The following CACNA1C variants were observed in gnomAD, a reference collection of about 807,000 sequenced individuals.
CACNA1C encodes voltage-dependent L-type calcium channel subunit alpha-1C.
Under a neutral mutation model 229.0 loss-of-function variants are expected in CACNA1C, and 30 were observed. The ratio of observed to expected loss-of-function variants is 0.13; its 90% CI spans 0.10 to 0.18. The LOEUF (loss-of-function observed/expected upper bound fraction) is 0.18. Ranked by LOEUF, CACNA1C falls within the 10% of genes least tolerant of loss-of-function variation. CACNA1C has a pLI of 1.00. For synonymous variants in CACNA1C, 1,114 were observed against 1,132.5 expected (o/e 0.98, Z 0.33); for missense variants, 1,658 against 2,845.0 (o/e 0.58, Z 9.49).
chr12:2,622,580 A>G (rs2083892219), intron 29 of CACNA1C, among the ~76,000 whole-genome samples: 1 of 152,064 alleles, frequency 6.6e-6, no homozygotes, highest in Non-Finnish European at 1.5e-5. Flanking sequence ...GCAGAATTGA[A>G]TTTGCAGTCC....
At chr12:2,468,740 A>G (rs78731760) in intron 5 of CACNA1C, among the ~76,000 whole-genome samples, 1,882 of 152,318 alleles carry the variant, frequency 0.012, 21 homozygotes, top group Non-Finnish European at 0.022. Context: ...CACCTCAGGA[A>G]TTGTGATGGG....
chr12:2,636,775 A>T (rs73243565), intron 30 of CACNA1C, among the ~76,000 whole-genome samples: 1 of 152,120 alleles, frequency 6.6e-6, no homozygotes, highest in Non-Finnish European at 1.5e-5. Context: ...CAGAACTTAC[A>T]TTCTGTAATT....
intron 1 of CACNA1C, among the ~76,000 whole-genome samples, chr12:2,001,537 C>T (rs2042195130): frequency 1.3e-5 from 2 of 152,152 alleles, no homozygotes; most frequent in Admixed American, 1.3e-4. Flanking sequence ...TAGCTCAACG[C>T]AATCTCTATT....
At chr12:2,131,849 T>C (rs1290038030) in intron 3 of CACNA1C, among the ~76,000 whole-genome samples, 2 of 148,444 alleles carry the variant, frequency 1.3e-5, no homozygotes, top group Non-Finnish European at 3.0e-5. Context: ...AAGAAAGTCA[T>C]TGGTAGCTTG....
At chr12:1,991,122 T>C (rs1242267688) in intron 1 of CACNA1C, 2 of 456,120 alleles carry the variant, frequency 4.4e-6, no homozygotes, top group African/African-American at 4.0e-5. Context: ...AAAGGCTACC[T>C]TTAATTTGCA....
chr12:2,589,507 G>C (rs2064144714), intron 18 of CACNA1C, among the ~76,000 whole-genome samples: 1 of 152,258 alleles, frequency 6.6e-6, no homozygotes, highest in Admixed American at 6.5e-5. Context: ...AAGAGGGCCA[G>C]TGTGCCTGCA....
At chr12:2,167,441 A>G (rs1454246563) in intron 3 of CACNA1C, among the ~76,000 whole-genome samples, 1 of 152,182 alleles carries the variant, frequency 6.6e-6, no homozygotes, top group Non-Finnish European at 1.5e-5. Flanking sequence ...GACATTGTTG[A>G]TGGTCTAGTG....
chr12:1,989,964 A>G (rs1277190552), intron 1 of CACNA1C, among the ~76,000 whole-genome samples: 2 of 152,210 alleles, frequency 1.3e-5, no homozygotes, highest in Non-Finnish European at 2.9e-5. Context: ...TCAAGGCTAA[A>G]AAAACTTGCT....
At chr12:2,227,211 C>G (rs983496745) in intron 3 of CACNA1C, among the ~76,000 whole-genome samples, 3 of 152,214 alleles carry the variant, frequency 2.0e-5, no homozygotes, top group Non-Finnish European at 4.4e-5. Flanking sequence ...CCAGGACCAA[C>G]TTTCTGGAAA....
chr12:2,405,543 G>T (rs2098727858), intron 3 of CACNA1C, among the ~76,000 whole-genome samples: 1 of 152,070 alleles, frequency 6.6e-6, no homozygotes, highest in East Asian at 1.9e-4. Flanking sequence ...ACATTTTTTA[G>T]AACTCCATTT....
At chr12:2,422,671 G>C (rs570901827) in intron 3 of CACNA1C, among the ~76,000 whole-genome samples, 1 of 152,160 alleles carries the variant, frequency 6.6e-6, no homozygotes, top group Non-Finnish European at 1.5e-5. Flanking sequence ...GTGCTAACTC[G>C]TGTGGCCAGT....
Position 2,156,247 on chromosome 12 carries a change from G to A in CACNA1C, c.477+35817G>A, listed in dbSNP as rs545693093. Among the ~76,000 whole-genome samples the A allele has an allele frequency of 3.3e-5, 5 of 152,268 alleles. No individual in the cohort carries two copies. The East Asian group carries it at 5.8e-4, about 18-fold the overall frequency. On this transcript the variant is annotated intron_variant, in intron 3 of 46. Coordinates refer to ENST00000399655, the MANE Select transcript of CACNA1C (RefSeq NM_000719.7). The stretch of plus-strand genomic sequence containing the variant: ...ATTGATGGTAGTTACATGAAAGTAT[G>A]CTTTATTATTCATTAAACTATAAAA...
At chr12:2,680,334 C>A in intron 42 of CACNA1C, 1 of 1,480,716 alleles carries the variant, frequency 6.8e-7, no homozygotes. Context: ...TCACTCTTTT[C>A]TCCTTGTCCT....
chr12:2,524,944 A>G (rs964511842), intron 9 of CACNA1C, among the ~76,000 whole-genome samples: 2 of 152,212 alleles, frequency 1.3e-5, no homozygotes, highest in African/African-American at 4.8e-5. Context: ...AAAGATCGCA[A>G]CCGGACCTTC....
intron 43 of CACNA1C, among the ~76,000 whole-genome samples, chr12:2,685,472 G>A (rs2097404045): frequency 6.6e-6 from 1 of 151,652 alleles, no homozygotes; most frequent in Non-Finnish European, 1.5e-5. Flanking sequence ...ACCCCAGAGT[G>A]CCTTCACTGC....
At chr12:2,331,481 C>T (rs2096546848) in intron 3 of CACNA1C, among the ~76,000 whole-genome samples, 2 of 152,196 alleles carry the variant, frequency 1.3e-5, no homozygotes, top group Admixed American at 6.5e-5. Context: ...AGGACGAGGT[C>T]GTGTCAAAGG....
At chr12:2,492,473 T>C (rs7961388) in intron 6 of CACNA1C, among the ~76,000 whole-genome samples, 2,197 of 152,366 alleles carry the variant, frequency 0.014, 48 homozygotes, top group African/African-American at 0.046. Flanking sequence ...AGGGCAGAGC[T>C]GTGAAGTCCC....
intron 3 of CACNA1C, among the ~76,000 whole-genome samples, chr12:2,216,117 G>T (rs534913835): frequency 6.6e-6 from 1 of 152,182 alleles, no homozygotes. Flanking sequence ...CCTGGGGCAC[G>T]CCAATTAACT....
Position 2,346,169 on chromosome 12 carries a change from G to T in CACNA1C, c.478-102807G>T, listed in dbSNP as rs768080331. On this transcript the variant is annotated intron_variant, in intron 3 of 46. Coordinates refer to ENST00000399655, the MANE Select transcript of CACNA1C (RefSeq NM_000719.7). This position sits in a 1 kb window ranked among gnomAD's most constrained non-coding sequence, Gnocchi z 4.4. ...GGTGATAGCCGTGGCTTGGTTGTCTGTGGGTGGAGCCGAGGAAGGCAGAGG... is the reference window on the plus strand; with the variant it reads ...GGTGATAGCCGTGGCTTGGTTGTCTTTGGGTGGAGCCGAGGAAGGCAGAGG... Among the ~76,000 whole-genome samples the T allele has an allele frequency of 3.3e-4, 50 of 152,260 alleles. No individual in the cohort carries two copies. The highest frequency in any genetic ancestry group is 6.8e-4 in the Non-Finnish European group (46 of 68,006).
Sources: allele counts gnomAD v4.1 joint callset (sites outside exome capture counted in the v4.1 genomes callset), GRCh38; gene constraint gnomAD v4.1.1; non-coding constraint Gnocchi (gnomAD v3.1); transcripts MANE v1.5; gene names NCBI Gene and HGNC (gene_info 2026-07-23, HGNC 2026-07-21).